The following EVI5L variants were observed in gnomAD, a reference collection of about 807,000 sequenced individuals.
The protein encoded by EVI5L is ecotropic viral integration site 5 like, also known as EVI5-like protein.
A neutral mutation model predicts 106.1 loss-of-function variants in EVI5L; 30 were observed. The observed-to-expected ratio is 0.28, with a 90% CI of 0.21 to 0.38. EVI5L has a LOEUF of 0.38. Ranked by LOEUF, EVI5L falls within the 10% of genes least tolerant of loss-of-function variation. The probability of loss-of-function intolerance (pLI) is 1.00; values close to 1 mark genes in which losing one functional copy is unlikely to be tolerated. For synonymous variants in EVI5L, 489 were observed against 483.3 expected, an observed-to-expected ratio of 1.01 and a Z score of -0.15; for missense variants, 809 against 1,098.0, an observed-to-expected ratio of 0.74 and a Z score of 3.72.
At chr19:7,846,820 G>T in intron 2 of EVI5L, 141 bp downstream of exon 2, 1 of 1,174,808 alleles carries the variant, frequency 8.5e-7, no homozygotes, top group South Asian at 1.6e-5. Context: ...ATGAGGGACA[G>T]ACACCTCCTT....
Position 7,849,309 on chromosome 19 carries a change from C to T in EVI5L, c.606C>T (p.Ile202=), listed in dbSNP as rs763546633. 28 of 1,614,012 alleles carry T rather than the reference C, an allele frequency of 1.7e-5. No individual in the cohort carries two copies. Among genetic ancestry groups the T allele is most frequent in the East Asian group, 8.9e-5 (4 of 44,900 alleles). ...GCTACTGCCAGGGAAGCGCCTTCAT[C>T]GTGGGCCTGCTCCTCATGCAGGTAG... ...EVGYCQGSAF[I]VGLLLMQMPE... Residue 202 remains isoleucine (I), a synonymous_variant, in exon 5 of 20, where the codon ATC becomes ATT. Coordinates refer to ENST00000538904, the MANE Select transcript of EVI5L (RefSeq NM_001159944.3).
intron 1 of EVI5L, among the ~76,000 whole-genome samples, chr19:7,842,991 G>A (rs952857006): frequency 2.0e-5 from 3 of 151,244 alleles, no homozygotes; most frequent in African/African-American, 7.3e-5. Flanking sequence ...GAGCACGTGT[G>A]TTGAGTGTGT....
Position 7,863,305 on chromosome 19 carries a change from G to C in EVI5L, c.2139+25G>C. On this transcript the variant is annotated intron_variant, in intron 19 of 19. Coordinates refer to ENST00000538904, the MANE Select transcript of EVI5L (RefSeq NM_001159944.3). This position sits in a 1 kb window ranked among gnomAD's most constrained non-coding sequence, Gnocchi z 7.7. ...GGTGAGCCGGCGCGGGGATGCCGGG[G>C]ACAGGCCTGGGTGTCGTCGGCCTGG... The C allele has an allele frequency of 6.4e-7, 1 of 1,550,440 alleles. No homozygotes were observed. The highest frequency in any genetic ancestry group is 8.7e-7 in the Non-Finnish European group (1 of 1,147,058).
At chr19:7,838,404 C>A (rs12974754) in intron 1 of EVI5L, among the ~76,000 whole-genome samples, 38,183 of 152,118 alleles carry the variant, frequency 0.25, 5,054 homozygotes, top group South Asian at 0.35. Context: ...AGCCACCATG[C>A]CCAGCCACTC....
At position 7,856,852 on chromosome 19, in the gene EVI5L, G is replaced by A. The variant is rs757183899; in HGVS notation, c.1201-240G>A. The A allele has an allele frequency of 1.8e-5, 12 of 685,008 alleles. No homozygotes were observed. Among genetic ancestry groups the A allele is most frequent in the East Asian group, 5.4e-5 (2 of 36,902 alleles). The allele number at this position is 685,008 out of a possible 1,614,324, so 42.4% of individuals were successfully genotyped here. A position where few individuals can be genotyped will look rare whatever the true frequency, so the allele number is the denominator to read the frequency against. ...GCCCTGCGGCCTCCCCCACAGCCGC[G>A]GGCACCCCCGACCTCCCCGCTCACA... On this transcript the variant is annotated intron_variant, in intron 11 of 19. Transcript: ENST00000538904. This position sits in a 1 kb window ranked among gnomAD's most constrained non-coding sequence, Gnocchi z 6.6.
At chr19:7,843,197 AG>A (rs1270714692) in intron 1 of EVI5L, among the ~76,000 whole-genome samples, 3 of 115,610 alleles carry the variant, frequency 2.6e-5, no homozygotes, top group Non-Finnish European at 5.3e-5. Flanking sequence ...GTGTGTGTAT[AG>A]GGGTGTGTGT....
In EVI5L at chr19:7,831,084, C is replaced by G. The variant is rs115491358; in HGVS notation, c.-48+703C>G. Among the ~76,000 whole-genome samples the G allele has an allele frequency of 7.6e-3, 1,155 of 151,666 alleles. 21 individuals are homozygous for G. The highest frequency in any genetic ancestry group is 0.026 in the African/African-American group (1,090 of 41,320). On this transcript the variant is annotated intron_variant, in intron 1 of 19. Coordinates refer to ENST00000538904, the MANE Select transcript of EVI5L (RefSeq NM_001159944.3). The stretch of plus-strand genomic sequence containing the variant: ...CACTCCCCGGCGTCCACCCAGCACA[C>G]TGTGGTAGCTCCACTGATCCTGCCC...
chr19:7,863,975 G>T lies in EVI5L; in HGVS notation c.*273G>T. Reference sequence around the variant, plus strand: ...TGGCGTTCCAGGGGTGCCTGGAGGGGCTGACTGCTCTCTTAACAGGAGGGC... The same window carrying T: ...TGGCGTTCCAGGGGTGCCTGGAGGGTCTGACTGCTCTCTTAACAGGAGGGC... On this transcript the variant is annotated 3_prime_UTR_variant, in exon 20 of 20. Transcript: ENST00000538904. This position sits in a 1 kb window ranked among gnomAD's most constrained non-coding sequence, Gnocchi z 7.7. The T allele has an allele frequency of 6.9e-6, 3 of 437,536 alleles. No individual in the cohort carries two copies. The highest frequency in any genetic ancestry group is 1.2e-5 in the Non-Finnish European group (3 of 249,302). 27.1% of individuals were successfully genotyped at this position (437,536 alleles called of 1,614,324 possible). A position where few individuals can be genotyped will look rare whatever the true frequency, so the allele number is the denominator to read the frequency against.
In EVI5L at chr19:7,857,363, C is replaced by T. The variant is rs551077853; in HGVS notation, c.1233+239C>T. The T allele has an allele frequency of 9.8e-6, 6 of 609,988 alleles. No homozygotes were observed. Among genetic ancestry groups the T allele is most frequent in the African/African-American group, 9.2e-5 (5 of 54,230 alleles). 37.8% of individuals were successfully genotyped at this position (609,988 alleles called of 1,614,324 possible). ...GAGTGCGTTTGGGTGTGAATGTCCA[C>T]ATGCATGTACAGAAAGCTTCCTCCG... On this transcript the variant is annotated intron_variant, in intron 12 of 19. Coordinates refer to ENST00000538904, the MANE Select transcript of EVI5L (RefSeq NM_001159944.3). The surrounding 1 kb of genome is among the most constrained non-coding windows in gnomAD (Gnocchi z 4.5).
Position 7,848,954 on chromosome 19 carries a change from C to T in EVI5L, c.361C>T (p.Arg121Trp). ...LIRKGIPHHF[R>W]AIVWQLLCSA... Reference sequence around the variant, plus strand: ...CCGCAAGGGCATCCCCCACCACTTCCGGGCCATCGTGTGGCAGCTTCTGTG... The same window carrying T: ...CCGCAAGGGCATCCCCCACCACTTCTGGGCCATCGTGTGGCAGCTTCTGTG... The change falls in exon 4 of 20, where the codon CGG (arginine) becomes TGG (tryptophan). Residue 121 changes from arginine to tryptophan, a missense_variant. Around this residue, in one of 2 missense-constraint regions of EVI5L, gnomAD observed 357 missense variants for 588.1 expected, o/e 0.61. Coordinates refer to ENST00000538904, the MANE Select transcript of EVI5L (RefSeq NM_001159944.3). The surrounding 1 kb of genome is among the most constrained non-coding windows in gnomAD (Gnocchi z 4.8). 2 of 1,612,902 alleles carry T rather than the reference C, an allele frequency of 1.2e-6. No individual in the cohort carries two copies. The highest frequency in any genetic ancestry group is 8.5e-7 in the Non-Finnish European group (1 of 1,179,512).
chr19:7,841,460 G>A (rs1432235574), intron 1 of EVI5L, among the ~76,000 whole-genome samples: 3 of 151,994 alleles, frequency 2.0e-5, no homozygotes, highest in Non-Finnish European at 4.4e-5. Flanking sequence ...CAGTGCCCCC[G>A]AGAGGGAAAG....
At position 7,861,948 on chromosome 19, in the gene EVI5L, G is replaced by A. The variant is rs1415437550; in HGVS notation, c.1574G>A (p.Arg525Gln). 3 of 1,549,966 alleles carry A rather than the reference G, an allele frequency of 1.9e-6. No homozygotes were observed. The highest frequency in any genetic ancestry group is 1.4e-5 in the African/African-American group (1 of 73,042). The change falls in exon 15 of 20, where the codon CGG becomes CAG. Residue 525 changes from arginine (R) to glutamine (Q), a missense_variant. Physicochemically the swap from Arg to Gln is conservative, Grantham distance 43 (BLOSUM62 1). Around this residue, in one of 2 missense-constraint regions of EVI5L, gnomAD observed 452 missense variants for 509.9 expected, o/e 0.89. Transcript: ENST00000538904. ...LQEELKALKV[R>Q]EGQAVASTRE... Reference sequence around the variant, plus strand: ...GAGGAGCTGAAGGCGCTCAAGGTGCGGGAAGGCCAGGCGGTGGCCTCGACG... The same window carrying A: ...GAGGAGCTGAAGGCGCTCAAGGTGCAGGAAGGCCAGGCGGTGGCCTCGACG...
At chr19:7,861,375 C>T (rs1462583657) in intron 14 of EVI5L, among the ~76,000 whole-genome samples, 5 of 152,220 alleles carry the variant, frequency 3.3e-5, no homozygotes, top group African/African-American at 9.6e-5. Flanking sequence ...CGGGTCAGTG[C>T]GGACCTCATC....
rs1979876260 is a variant in EVI5L at position 7,862,630 on chromosome 19, G to T, written c.1947+96G>T. 6 of 1,146,164 alleles carry T rather than the reference G, an allele frequency of 5.2e-6. No individual in the cohort carries two copies. In the South Asian group the frequency reaches 1.4e-4, roughly 26 times the overall value. The allele number at this position is 1,146,164 out of a possible 1,614,324, so 71.0% of individuals were successfully genotyped here. On this transcript the variant is annotated intron_variant, in intron 17 of 19. Transcript: ENST00000538904. ...CCCAATCCGCCTCTGCCGGCGTCCT[G>T]CCTCCCGATCTGCCCCTGCCCGCGG...
At chr19:7,861,095 T>C (rs2146439089) in intron 14 of EVI5L, among the ~76,000 whole-genome samples, 1 of 152,280 alleles carries the variant, frequency 6.6e-6, no homozygotes, top group Admixed American at 6.5e-5. Context: ...AACTGCTCTC[T>C]GACTTGGCAT....
rs761814910 is a variant in EVI5L at position 7,856,079 on chromosome 19, T to C, written c.1200+11T>C. On this transcript the variant is annotated intron_variant, in intron 11 of 19. Transcript: ENST00000538904. This position sits in a 1 kb window ranked among gnomAD's most constrained non-coding sequence, Gnocchi z 6.6. ...GAAACCCTAGAGAAGGTGAGGGGCG[T>C]GGCCACTGTGAGGACATGGTCGCCA... is the stretch of plus-strand genomic sequence containing the variant. 1.8e-5 allele frequency: 24 copies of C among 1,321,098 alleles called. No homozygotes were observed. Among genetic ancestry groups the C allele is most frequent in the Non-Finnish European group, 2.3e-5 (24 of 1,025,974 alleles). 81.8% of individuals were successfully genotyped at this position (1,321,098 alleles called of 1,614,324 possible). A position where few individuals can be genotyped will look rare whatever the true frequency, so the allele number is the denominator to read the frequency against.
At chr19:7,844,076 G>A (rs1236412083) in intron 1 of EVI5L, among the ~76,000 whole-genome samples, 1 of 152,028 alleles carries the variant, frequency 6.6e-6, no homozygotes, top group African/African-American at 2.4e-5. Context: ...GGCTCGGCTG[G>A]GCGCGGTGGC....
At chr19:7,846,385 G>C in intron 1 of EVI5L, 111 bp from the exon 2 acceptor site, 1 of 986,196 alleles carries the variant, frequency 1.0e-6, no homozygotes, top group Non-Finnish European at 1.5e-6. Context: ...GTGCACGGAC[G>C]GGGGTGGACC....
chr19:7,858,313 G>A lies in EVI5L; in HGVS notation c.1356G>A (p.Arg452=). 6.5e-7 allele frequency: 1 copy of A among 1,547,852 alleles called. No individual in the cohort carries two copies. Reference sequence around the variant, plus strand: ...TGCAGAAGGCACAGAGCACCATCCGGCAGCTACAGGAGCAGCAGGTAGGGG... The same window carrying A: ...TGCAGAAGGCACAGAGCACCATCCGACAGCTACAGGAGCAGCAGGTAGGGG... ...EDLQKAQSTI[R]QLQEQQENPR... is the part of the protein sequence containing the mutation. The change falls in exon 13 of 20, where the codon CGG becomes CGA. Residue 452 remains arginine, a synonymous_variant. Coordinates refer to ENST00000538904, the MANE Select transcript of EVI5L (RefSeq NM_001159944.3). The surrounding 1 kb of genome is among the most constrained non-coding windows in gnomAD (Gnocchi z 5.7).
Sources: gnomAD v4.1 joint callset for allele counts (sites outside exome capture counted in the v4.1 genomes callset) on GRCh38, gnomAD v4.1.1 for gene constraint, gnomAD v4.1.1 regional missense constraint, Gnocchi (gnomAD v3.1) non-coding constraint, MANE v1.5 for transcripts, NCBI Gene and HGNC (gene_info 2026-07-23, HGNC 2026-07-21) for gene names.